The following HCN1 variants were observed in gnomAD, a reference collection of about 807,000 sequenced individuals.
HCN1 encodes hyperpolarization activated cyclic nucleotide gated potassium channel 1, also known as potassium/sodium hyperpolarization-activated cyclic nucleotide-gated channel 1.
Under a neutral mutation model 78.9 loss-of-function variants are expected in HCN1, and 13 were observed. The ratio of observed to expected loss-of-function variants is 0.16; its 90% confidence interval spans 0.11 to 0.26. The LOEUF (loss-of-function observed/expected upper bound fraction) is 0.26, where lower values mean the gene tolerates loss of function less well. Ranked by LOEUF, HCN1 falls within the 10% of genes least tolerant of loss-of-function variation. HCN1 has a pLI of 1.00. For synonymous variants in HCN1, 552 were observed against 455.5 expected (o/e 1.21, Z -2.70); for missense variants, 810 against 1,154.3 (o/e 0.70, Z 4.32).
intron 4 of HCN1, among the ~76,000 whole-genome samples, chr5:45,378,567 A>G (rs1273296419): frequency 6.6e-6 from 1 of 152,042 alleles, no homozygotes; most frequent in Non-Finnish European, 1.5e-5. Context: ...CTATCTATCC[A>G]TTCATTGATT....
chr5:45,352,736 C>T (rs1294548100), intron 5 of HCN1, among the ~76,000 whole-genome samples: 2 of 151,476 alleles, frequency 1.3e-5, no homozygotes, highest in Non-Finnish European at 2.9e-5. Context: ...TTATCAGGGT[C>T]CATGAGATGA....
intron 5 of HCN1, among the ~76,000 whole-genome samples, chr5:45,340,735 T>C (rs554075717): frequency 2.1e-4 from 32 of 152,196 alleles, no homozygotes; most frequent in Non-Finnish European, 4.4e-4. Flanking sequence ...GAATTTCCTA[T>C]TTTCTTTATC....
intron 2 of HCN1, among the ~76,000 whole-genome samples, chr5:45,601,902 T>C (rs1006580230): frequency 6.6e-6 from 1 of 152,076 alleles, no homozygotes. Context: ...CATCTTGAAT[T>C]TTAGCTCCCA....
chr5:45,478,080 G>A (rs1477296668), intron 2 of HCN1, among the ~76,000 whole-genome samples: 7 of 152,112 alleles, frequency 4.6e-5, no homozygotes, highest in Admixed American at 3.9e-4. Context: ...CTTGAACTTG[G>A]GAGGTGGAGG....
intron 2 of HCN1, chr5:45,643,263 T>G (rs530533349): frequency 6.6e-6 from 1 of 152,242 alleles, no homozygotes; most frequent in African/African-American, 2.4e-5. Context: ...GGATGCCATC[T>G]GTTCATCCTG....
intron 1 of HCN1, among the ~76,000 whole-genome samples, chr5:45,672,351 C>G (rs562878775): frequency 6.6e-6 from 1 of 151,328 alleles, no homozygotes; most frequent in Non-Finnish European, 1.5e-5. Flanking sequence ...GCTTCAAAAG[C>G]TAGAAATGAT....
At chr5:45,295,980 T>A (rs529745724) in intron 6 of HCN1, among the ~76,000 whole-genome samples, 2 of 152,028 alleles carry the variant, frequency 1.3e-5, no homozygotes, top group African/African-American at 4.8e-5. Flanking sequence ...TAAAACTGCA[T>A]GTTGATATTC....
intron 6 of HCN1, among the ~76,000 whole-genome samples, chr5:45,290,930 A>G (rs914631559): frequency 1.3e-5 from 2 of 152,066 alleles, no homozygotes; most frequent in Non-Finnish European, 2.9e-5. Context: ...TTGGTTTCAA[A>G]TGTCTTTCAC....
intron 5 of HCN1, among the ~76,000 whole-genome samples, chr5:45,326,636 C>A (rs1307596740): frequency 6.6e-6 from 1 of 151,460 alleles, no homozygotes; most frequent in African/African-American, 2.4e-5. Context: ...AGGTAATTAG[C>A]CTAAAATAAA....
intron 4 of HCN1, among the ~76,000 whole-genome samples, chr5:45,367,845 G>A (rs1747267545): frequency 6.6e-6 from 1 of 151,912 alleles, no homozygotes; most frequent in Admixed American, 6.6e-5. Flanking sequence ...GAGAGCAGCT[G>A]CTTACTAAAA....
chr5:45,287,318 T>C (rs1745288415), intron 6 of HCN1, among the ~76,000 whole-genome samples: 2 of 151,980 alleles, frequency 1.3e-5, no homozygotes, highest in African/African-American at 4.8e-5. Flanking sequence ...TATAAGAGGA[T>C]TAGATAATGA....
intron 2 of HCN1, among the ~76,000 whole-genome samples, chr5:45,499,929 C>A (rs1049775098): frequency 6.6e-6 from 1 of 152,134 alleles, no homozygotes; most frequent in African/African-American, 2.4e-5. Context: ...AAAATGCTAG[C>A]ATATGCACAT....
intron 4 of HCN1, among the ~76,000 whole-genome samples, chr5:45,367,737 T>A (rs1319024862): frequency 1.3e-5 from 2 of 151,854 alleles, no homozygotes; most frequent in East Asian, 1.9e-4. Context: ...GAACTTCCAA[T>A]CTAACTACAA....
intron 5 of HCN1, among the ~76,000 whole-genome samples, chr5:45,346,565 A>T (rs1027960828): frequency 1.3e-5 from 2 of 152,152 alleles, no homozygotes; most frequent in African/African-American, 4.8e-5. Flanking sequence ...GCGAGGCACT[A>T]CCTCACTCAG....
intron 1 of HCN1, among the ~76,000 whole-genome samples, chr5:45,658,361 T>C (rs1003807848): frequency 1.3e-5 from 2 of 151,978 alleles, no homozygotes; most frequent in African/African-American, 4.8e-5. Flanking sequence ...CCAAAAGCAA[T>C]GGTAATGAAA....
intron 1 of HCN1, among the ~76,000 whole-genome samples, chr5:45,677,371 T>G (rs973351727): frequency 1.3e-5 from 2 of 151,756 alleles, no homozygotes; most frequent in Non-Finnish European, 2.9e-5. Context: ...CTGTAGAGCC[T>G]TGTCTAAAGG....
chr5:45,554,643 G>A (rs1453660943), intron 2 of HCN1, among the ~76,000 whole-genome samples: 1 of 151,696 alleles, frequency 6.6e-6, no homozygotes, highest in Admixed American at 6.6e-5. Context: ...AATCCAACCT[G>A]TGGGGATTCA....
chr5:45,392,272 A>G (rs1195479837), intron 4 of HCN1, among the ~76,000 whole-genome samples: 3 of 152,132 alleles, frequency 2.0e-5, no homozygotes, highest in Admixed American at 1.3e-4. Flanking sequence ...AAAATTAAAA[A>G]TGTATCTATG....
At chr5:45,521,402 A>C (rs1406110185) in intron 2 of HCN1, among the ~76,000 whole-genome samples, 1 of 152,004 alleles carries the variant, frequency 6.6e-6, no homozygotes, top group African/African-American at 2.4e-5. Context: ...TAGTAGTCTG[A>C]AATCAAGGTA....
Sources: gnomAD v4.1 joint callset for allele counts (sites outside exome capture counted in the v4.1 genomes callset) on GRCh38, gnomAD v4.1.1 for gene constraint, MANE v1.5 for transcripts, NCBI Gene and HGNC (gene_info 2026-07-23, HGNC 2026-07-21) for gene names.